Variants in STIM1 observed in about 807,000 individuals in gnomAD.
STIM1 encodes stromal interaction molecule 1.
In STIM1, 25 loss-of-function variants were observed where a neutral mutation model predicts 74.7. That is an observed-to-expected ratio of 0.33 (90% CI 0.24 to 0.47). STIM1 has a LOEUF of 0.47. Among genes scored for constraint, STIM1 ranks in the 20% least tolerant of loss-of-function variants. STIM1 has a pLI of 1.00. For synonymous variants in STIM1, 328 were observed against 348.8 expected (o/e 0.94, Z 0.66); for missense variants, 728 against 920.8 (o/e 0.79, Z 2.71).
chr11:3,979,155 G>A (rs902707239), intron 2 of STIM1, among the ~76,000 whole-genome samples: 7 of 152,102 alleles, frequency 4.6e-5, no homozygotes, highest in African/African-American at 1.4e-4. Flanking sequence ...TGAAGATTAA[G>A]TAGCTGGGTT....
chr11:4,059,223 C>T, intron 4 of STIM1, 58 bp from the exon 5 acceptor site: 1 of 1,466,876 alleles, frequency 6.8e-7, no homozygotes, highest in Admixed American at 1.7e-5. Context: ...GTAATCCTAC[C>T]AGGATCCTTC....
chr11:4,021,665 G>A (rs913459324), intron 2 of STIM1, among the ~76,000 whole-genome samples: 3 of 151,982 alleles, frequency 2.0e-5, no homozygotes, highest in Non-Finnish European at 2.9e-5. Flanking sequence ...GGCTATTCAG[G>A]TTTCTTTTTG....
At chr11:3,997,743 A>G (rs1220759368) in intron 2 of STIM1, among the ~76,000 whole-genome samples, 1 of 152,136 alleles carries the variant, frequency 6.6e-6, no homozygotes, top group African/African-American at 2.4e-5. Flanking sequence ...TATCATTGGG[A>G]ATGAGAGGAA....
At chr11:4,044,537 T>C (rs927740246) in intron 3 of STIM1, among the ~76,000 whole-genome samples, 1 of 152,218 alleles carries the variant, frequency 6.6e-6, no homozygotes, top group Admixed American at 6.5e-5. Flanking sequence ...TTATAGAGGA[T>C]ACAGCTCATC....
At chr11:3,869,215 C>T (rs1010426727) in intron 1 of STIM1, among the ~76,000 whole-genome samples, 8 of 152,212 alleles carry the variant, frequency 5.3e-5, no homozygotes, top group South Asian at 2.1e-4. Context: ...GTGATCCGCC[C>T]GCCTCCACTT....
At chr11:3,932,085 T>C (rs1299025808) in intron 1 of STIM1, among the ~76,000 whole-genome samples, 1 of 152,156 alleles carries the variant, frequency 6.6e-6, no homozygotes, top group South Asian at 2.1e-4. Flanking sequence ...CTGGACTGTA[T>C]GTAAGGCAGA....
At chr11:3,955,855 G>A (rs1240182403) in intron 1 of STIM1, among the ~76,000 whole-genome samples, 4 of 151,804 alleles carry the variant, frequency 2.6e-5, no homozygotes, top group Non-Finnish European at 4.4e-5. Flanking sequence ...GAAATGGTGT[G>A]TAAAGAAGGA....
chr11:4,023,522 A>T (rs1289690062), intron 2 of STIM1, among the ~76,000 whole-genome samples: 2 of 152,208 alleles, frequency 1.3e-5, no homozygotes, highest in Non-Finnish European at 1.5e-5. Flanking sequence ...AATATTGCCT[A>T]ATTTATAAGC....
At chr11:3,913,529 C>T (rs1458352387) in intron 1 of STIM1, among the ~76,000 whole-genome samples, 1 of 152,196 alleles carries the variant, frequency 6.6e-6, no homozygotes, top group East Asian at 1.9e-4. Context: ...CTCTTAGTCA[C>T]ACTATGCACC....
chr11:3,895,813 CTTCCTTCTTTCTT>C (rs2092136134), intron 1 of STIM1, among the ~76,000 whole-genome samples: 1 of 66,938 alleles, frequency 1.5e-5, no homozygotes, highest in African/African-American at 1.0e-4. Flanking sequence ...CCTTTCTTTC[CTTCCTTCTTTCTT>C]TTCTTTCTTT....
chr11:4,028,970 G>A (rs1312110974), intron 3 of STIM1, among the ~76,000 whole-genome samples: 1 of 151,880 alleles, frequency 6.6e-6, no homozygotes, highest in Non-Finnish European at 1.5e-5. Flanking sequence ...GGCAGATCAT[G>A]AGGTCAGGAG....
At chr11:3,968,650 A>G (rs1590609615) in intron 2 of STIM1, among the ~76,000 whole-genome samples, 3 of 152,376 alleles carry the variant, frequency 2.0e-5, no homozygotes, top group Admixed American at 6.5e-5. Flanking sequence ...GACTGTAAAT[A>G]AAACAGATAC....
At chr11:3,901,817 G>T (rs2092355865) in intron 1 of STIM1, among the ~76,000 whole-genome samples, 1 of 152,170 alleles carries the variant, frequency 6.6e-6, no homozygotes, top group Non-Finnish European at 1.5e-5. Flanking sequence ...GTACACTCCA[G>T]CAGTGCAGCC....
chr11:3,880,805 C>T (rs142787307), intron 1 of STIM1, among the ~76,000 whole-genome samples: 1,588 of 152,284 alleles, frequency 0.01, 18 homozygotes, highest in Non-Finnish European at 0.016. Context: ...TTCCCTTACT[C>T]CTCAACCATG....
chr11:3,989,346 CT>C, intron 2 of STIM1: 3 of 820,426 alleles, frequency 3.7e-6, no homozygotes, highest in East Asian at 2.4e-5. Flanking sequence ...TTGCTGCTGC[CT>C]TTTTCGGCTT....
chr11:3,885,471 C>G (rs1327623203), intron 1 of STIM1, among the ~76,000 whole-genome samples: 1 of 152,090 alleles, frequency 6.6e-6, no homozygotes, highest in Non-Finnish European at 1.5e-5. Flanking sequence ...CAGGCATGAC[C>G]CATAGTGCTC....
At chr11:4,043,620 A>G (rs2094165804) in intron 3 of STIM1, among the ~76,000 whole-genome samples, 1 of 151,890 alleles carries the variant, frequency 6.6e-6, no homozygotes, top group African/African-American at 2.4e-5. Flanking sequence ...GTGTTTTACA[A>G]TCTATCTAAT....
At chr11:4,075,056 G>A (rs963813722) in intron 7 of STIM1, among the ~76,000 whole-genome samples, 1 of 152,112 alleles carries the variant, frequency 6.6e-6, no homozygotes, top group Non-Finnish European at 1.5e-5. Flanking sequence ...CAGGAGAATT[G>A]CCTGAACCCC....
rs916019080 is a variant in STIM1, at chr11:3,909,741, A to C, written c.139+53332A>C. Among the ~76,000 whole-genome samples the C allele has an allele frequency of 4.0e-5, 6 of 150,270 alleles. No homozygotes were observed. The Admixed American group carries it at 4.0e-4, about 10-fold the overall frequency. On this transcript the variant is annotated intron_variant, in intron 1 of 12. Transcript: ENST00000526596. ...TGGGAGGCTGAGGCAGGAGAATGGC[A>C]TGATCCTGGCACTGCACTCCAGCCT...
Sources: gnomAD v4.1 joint callset for allele counts (sites outside exome capture counted in the v4.1 genomes callset) on GRCh38, gnomAD v4.1.1 for gene constraint, MANE v1.5 for transcripts, NCBI Gene and HGNC (gene_info 2026-07-23, HGNC 2026-07-21) for gene names.